The following EML5 variants were observed in gnomAD, a reference collection of about 807,000 sequenced individuals.
The protein encoded by EML5 is EMAP like 5, also known as echinoderm microtubule-associated protein-like 5.
Under a neutral mutation model 250.0 loss-of-function variants are expected in EML5, and 120 were observed. That is an observed-to-expected ratio of 0.48 (90% CI 0.41 to 0.56). The LOEUF (loss-of-function observed/expected upper bound fraction) is 0.56, where lower values mean the gene tolerates loss of function less well. Ranked by LOEUF, EML5 falls within the 20% of genes least tolerant of loss-of-function variation. EML5 has a pLI of 0.00. For synonymous variants in EML5, 771 were observed against 806.5 expected, an observed-to-expected ratio of 0.96 and a Z score of 0.75; for missense variants, 2,006 against 2,437.6, an observed-to-expected ratio of 0.82 and a Z score of 3.73.
At chr14:88,743,055 T>C (rs888319672) in intron 4 of EML5, among the ~76,000 whole-genome samples, 13 of 152,108 alleles carry the variant, frequency 8.5e-5, no homozygotes, top group African/African-American at 3.1e-4. Context: ...TTTACAGGCT[T>C]CAAAATCTGA....
Position 88,642,876 on chromosome 14 carries a change from G to A in EML5, c.4237+17C>T. 1 of 1,583,616 alleles carries A rather than the reference G, an allele frequency of 6.3e-7. No homozygotes were observed. Among genetic ancestry groups the A allele is most frequent in the Non-Finnish European group, 8.6e-7 (1 of 1,169,572 alleles). On this transcript the variant is annotated intron_variant, in intron 31 of 43. Coordinates refer to ENST00000554922, the MANE Select transcript of EML5 (RefSeq NM_183387.3). ...TTAAAAAAATTGATAGAGGGATGGA[G>A]AATCAGGGTTTCCTACCTGTAGCAA... is the stretch of plus-strand genomic sequence containing the variant.
intron 1 of EML5, among the ~76,000 whole-genome samples, chr14:88,784,420 A>G (rs1319862509): frequency 6.6e-6 from 1 of 152,082 alleles, no homozygotes; most frequent in African/African-American, 2.4e-5. Flanking sequence ...AAAAAAAAAC[A>G]AGATACAAAT....
intron 42 of EML5, chr14:88,616,446 G>A: frequency 1.6e-6 from 1 of 617,834 alleles, no homozygotes; most frequent in South Asian, 2.1e-5. Context: ...CAGGTACTCT[G>A]ACCATTTTTC....
At chr14:88,639,736 C>T (rs1442991821) in intron 31 of EML5, among the ~76,000 whole-genome samples, 1 of 152,056 alleles carries the variant, frequency 6.6e-6, no homozygotes, top group East Asian at 1.9e-4. Flanking sequence ...GCCATCATGC[C>T]CAGCTATATA....
chr14:88,675,290 G>A (rs2092567864), intron 21 of EML5, among the ~76,000 whole-genome samples: 1 of 152,210 alleles, frequency 6.6e-6, no homozygotes, highest in South Asian at 2.1e-4. Context: ...CTTCTGCCTG[G>A]GCATCCAGGC....
intron 21 of EML5, 134 bp downstream of exon 21, chr14:88,681,756 G>A: frequency 8.7e-6 from 9 of 1,032,402 alleles, no homozygotes; most frequent in Non-Finnish European, 1.2e-5. Flanking sequence ...GGCACCATGA[G>A]CAAGTAGACA....
intron 1 of EML5, among the ~76,000 whole-genome samples, chr14:88,755,425 T>C (rs1436336976): frequency 6.6e-6 from 1 of 152,124 alleles, no homozygotes; most frequent in East Asian, 1.9e-4. Flanking sequence ...ACTATAACAC[T>C]AATTCTTAAA....
At chr14:88,760,538 C>T (rs533208004) in intron 1 of EML5, among the ~76,000 whole-genome samples, 1 of 152,272 alleles carries the variant, frequency 6.6e-6, no homozygotes, top group East Asian at 1.9e-4. Context: ...TATCCTTTCA[C>T]CAATACCACA....
At chr14:88,710,687 C>T (rs556979651) in intron 10 of EML5, among the ~76,000 whole-genome samples, 1 of 152,248 alleles carries the variant, frequency 6.6e-6, no homozygotes, top group South Asian at 2.1e-4. Flanking sequence ...CTCAAGCTGA[C>T]TCACAAGTGC....
chr14:88,634,996 G>A (rs922759543), intron 32 of EML5, among the ~76,000 whole-genome samples: 1 of 152,094 alleles, frequency 6.6e-6, no homozygotes, highest in Non-Finnish European at 1.5e-5. Context: ...AAAGCTTACT[G>A]TATAACTCAA....
intron 1 of EML5, among the ~76,000 whole-genome samples, chr14:88,783,012 G>A (rs151123594): frequency 6.6e-6 from 1 of 152,242 alleles, no homozygotes; most frequent in African/African-American, 2.4e-5. Context: ...CCAAGAGCTG[G>A]AGGTTGCAGT....
chr14:88,657,647 C>A, intron 26 of EML5, 145 bp from the exon 27 acceptor site: 3 of 673,088 alleles, frequency 4.5e-6, no homozygotes, highest in South Asian at 3.5e-5. Flanking sequence ...CCAGAAAAAA[C>A]GATGTAGAAG....
chr14:88,617,329 T>G (rs1276654110), intron 41 of EML5: 1 of 154,364 alleles, frequency 6.5e-6, no homozygotes, highest in Non-Finnish European at 1.4e-5. Context: ...GTATTTTTAG[T>G]AGAGACAGGG....
intron 30 of EML5, 92 bp from the exon 31 acceptor site, chr14:88,643,114 A>T (rs2091161298): frequency 1.6e-6 from 2 of 1,212,190 alleles, no homozygotes. Context: ...TAGTGTCTGC[A>T]GTCAAAATGG....
rs117322745 is a variant in EML5 at position 88,725,931 on chromosome 14, G to A, written c.1187+610C>T. On this transcript the variant is annotated intron_variant, in intron 8 of 43. Coordinates refer to ENST00000554922, the MANE Select transcript of EML5 (RefSeq NM_183387.3). ...TTAATAGTTTCTGAATTGAGCAACT[G>A]AGCGAAGGATCTTACCGTTCACTGA... Among the ~76,000 whole-genome samples, 1,232 of 152,294 alleles carry A rather than the reference G, an allele frequency of 8.1e-3. 11 individuals are homozygous for A. The highest frequency in any genetic ancestry group is 0.014 in the Non-Finnish European group (955 of 68,006).
At chr14:88,735,416 G>C (rs534335406) in intron 7 of EML5, among the ~76,000 whole-genome samples, 1 of 152,132 alleles carries the variant, frequency 6.6e-6, no homozygotes, top group African/African-American at 2.4e-5. Context: ...CAAACAGCTT[G>C]AACAGGTCAA....
In EML5 at chr14:88,787,776, C is replaced by A. The variant is rs1308751725; in HGVS notation, c.197+4531G>T. Among the ~76,000 whole-genome samples the A allele has an allele frequency of 2.6e-5, 4 of 152,194 alleles. No homozygotes were observed. In the East Asian group the frequency reaches 7.7e-4, roughly 29 times the overall value. Reference sequence around the variant, plus strand: ...AATTCTAGTTACTTAAGCACAGGGACATTTTATTAAATATGTTTTCTAATA... The same window carrying A: ...AATTCTAGTTACTTAAGCACAGGGAAATTTTATTAAATATGTTTTCTAATA... On this transcript the variant is annotated intron_variant, in intron 1 of 43. Coordinates refer to ENST00000554922, the MANE Select transcript of EML5 (RefSeq NM_183387.3).
chr14:88,715,070 G>A lies in EML5; in HGVS notation c.1313C>T (p.Ala438Val), dbSNP rs995973053. Residue 438 changes from alanine (A) to valine (V), a missense_variant, in exon 9 of 44, where the codon GCT becomes GTT. Coordinates refer to ENST00000554922, the MANE Select transcript of EML5 (RefSeq NM_183387.3). The stretch of plus-strand genomic sequence containing the variant: ...CTCGCCAACTTTTTTATAACGCTGA[G>A]CAACTCCATAAATATCAACCGAGCT... ...NDSSVDIYGV[A>V]QRYKKVGECL... 3 of 1,613,688 alleles carry A rather than the reference G, an allele frequency of 1.9e-6. No homozygotes were observed. The African/African-American group carries it at 4.0e-5, about 22-fold the overall frequency.
At chr14:88,664,691 A>G in intron 22 of EML5, 67 bp from the exon 23 acceptor site, 14 of 1,497,854 alleles carry the variant, frequency 9.3e-6, no homozygotes, top group Non-Finnish European at 1.3e-5. Context: ...CTCTGCAACT[A>G]GAGTTAATTT....
Sources: allele counts gnomAD v4.1 joint callset (sites outside exome capture counted in the v4.1 genomes callset), GRCh38; gene constraint gnomAD v4.1.1; transcripts MANE v1.5; gene names NCBI Gene and HGNC (gene_info 2026-07-23, HGNC 2026-07-21).